ZDHHC14: variants seen among roughly 807,000 people sequenced by gnomAD.
ZDHHC14 encodes palmitoyltransferase ZDHHC14.
A neutral mutation model predicts 47.7 loss-of-function variants in ZDHHC14; 16 were observed. That is an observed-to-expected ratio of 0.34 (90% CI 0.23 to 0.51). The LOEUF (loss-of-function observed/expected upper bound fraction) is 0.51. Ranked by LOEUF, ZDHHC14 falls within the 20% of genes least tolerant of loss-of-function variation. The pLI, the probability that ZDHHC14 is intolerant of heterozygous loss-of-function variation, is 0.97. For missense variants in ZDHHC14, 515 were observed against 662.5 expected (o/e 0.78, Z 2.44); for synonymous variants, 293 against 278.9 (o/e 1.05, Z -0.50).
At chr6:157,597,816 G>A (rs933943349) in intron 3 of ZDHHC14, among the ~76,000 whole-genome samples, 11 of 152,236 alleles carry the variant, frequency 7.2e-5, no homozygotes, top group Non-Finnish European at 1.6e-4. Flanking sequence ...TCCAGGACAT[G>A]GCCTGGTCCC....
intron 2 of ZDHHC14, among the ~76,000 whole-genome samples, chr6:157,544,443 T>C (rs1397255278): frequency 6.6e-6 from 1 of 151,900 alleles, no homozygotes; most frequent in East Asian, 1.9e-4. Context: ...AGGTCAGGAG[T>C]TTGAGACCAG....
chr6:157,642,807 C>T (rs1178213269), intron 5 of ZDHHC14, among the ~76,000 whole-genome samples: 1 of 152,152 alleles, frequency 6.6e-6, no homozygotes, highest in Non-Finnish European at 1.5e-5. Context: ...AGCATATAGC[C>T]AGTGGGCCAG....
At chr6:157,448,267 A>C (rs1778727104) in intron 1 of ZDHHC14, among the ~76,000 whole-genome samples, 1 of 152,184 alleles carries the variant, frequency 6.6e-6, no homozygotes, top group African/African-American at 2.4e-5. Context: ...GGGTAATTTC[A>C]GAGAAAAACT....
At chr6:157,573,281 G>C (rs1314879316) in intron 2 of ZDHHC14, among the ~76,000 whole-genome samples, 7 of 152,118 alleles carry the variant, frequency 4.6e-5, no homozygotes, top group African/African-American at 1.4e-4. Context: ...CTTGCACCGG[G>C]TGCACCCTGT....
At chr6:157,634,082 A>G (rs1387539764) in intron 5 of ZDHHC14, among the ~76,000 whole-genome samples, 1 of 152,248 alleles carries the variant, frequency 6.6e-6, no homozygotes, top group Non-Finnish European at 1.5e-5. Context: ...CGATACATCT[A>G]AAAACAAATG....
chr6:157,550,800 C>T (rs928061460), intron 2 of ZDHHC14, among the ~76,000 whole-genome samples: 2 of 152,246 alleles, frequency 1.3e-5, no homozygotes, highest in African/African-American at 4.8e-5. Context: ...GTCTATCTTT[C>T]TCTTACTGCA....
intron 1 of ZDHHC14, among the ~76,000 whole-genome samples, chr6:157,457,047 G>T (rs970194261): frequency 7.1e-6 from 1 of 139,936 alleles, no homozygotes; most frequent in Non-Finnish European, 1.6e-5. Flanking sequence ...TGGTGCATGC[G>T]CCTATAGTTC....
chr6:157,534,037 T>G (rs1047648476), intron 1 of ZDHHC14, among the ~76,000 whole-genome samples: 2 of 152,178 alleles, frequency 1.3e-5, no homozygotes, highest in Non-Finnish European at 2.9e-5. Context: ...TACCTTAGAT[T>G]GGATGAAACA....
intron 1 of ZDHHC14, among the ~76,000 whole-genome samples, chr6:157,454,837 A>C (rs949688091): frequency 1.3e-5 from 2 of 152,140 alleles, no homozygotes; most frequent in African/African-American, 4.8e-5. Flanking sequence ...TTCTTTTGTT[A>C]ATGCTGTATT....
rs188369310 is a variant in ZDHHC14 at position 157,448,829 on chromosome 6, G to A, written c.245+66563G>A. 2.6e-4 allele frequency among the ~76,000 whole-genome samples: 40 copies of A among 152,336 alleles called. No individual in the cohort carries two copies. The East Asian group carries it at 7.1e-3, about 27-fold the overall frequency. On this transcript the variant is annotated intron_variant, in intron 1 of 8. Transcript: ENST00000359775. ...GACCTCAAGTGATCTGCCCGCCTCGGCCTTCCAAAGTGCTGGGATTATAGG... is the reference window on the plus strand; with the variant it reads ...GACCTCAAGTGATCTGCCCGCCTCGACCTTCCAAAGTGCTGGGATTATAGG...
intron 3 of ZDHHC14, among the ~76,000 whole-genome samples, chr6:157,603,938 G>T (rs1219320489): frequency 6.6e-6 from 1 of 152,204 alleles, no homozygotes. Flanking sequence ...GGAGAGAAGT[G>T]AATACATTTG....
At chr6:157,566,879 C>G (rs199518062) in intron 2 of ZDHHC14, among the ~76,000 whole-genome samples, 2 of 142,634 alleles carry the variant, frequency 1.4e-5, no homozygotes, top group East Asian at 4.1e-4. Context: ...GAGTCAGAGT[C>G]TTGCTCTGTC....
At chr6:157,477,107 C>T (rs1779506775) in intron 1 of ZDHHC14, among the ~76,000 whole-genome samples, 4 of 152,096 alleles carry the variant, frequency 2.6e-5, no homozygotes, top group South Asian at 2.1e-4. Flanking sequence ...TAAGGCTGGG[C>T]GCAGTGACTC....
intron 1 of ZDHHC14, 84 bp from the exon 2 acceptor site, chr6:157,542,501 A>G: frequency 1.4e-6 from 2 of 1,471,780 alleles, no homozygotes; most frequent in Non-Finnish European, 9.1e-7. Flanking sequence ...ATTTCTTAGA[A>G]GATAAAGACT....
At chr6:157,466,505 A>T (rs112740766) in intron 1 of ZDHHC14, among the ~76,000 whole-genome samples, 1 of 152,228 alleles carries the variant, frequency 6.6e-6, no homozygotes, top group Non-Finnish European at 1.5e-5. Context: ...AATTAGTTGT[A>T]AAAACCAAAA....
chr6:157,642,407 A>G (rs888923138), intron 5 of ZDHHC14, among the ~76,000 whole-genome samples: 7 of 152,166 alleles, frequency 4.6e-5, no homozygotes, highest in African/African-American at 1.2e-4. Flanking sequence ...CAGAGCCTGC[A>G]CTTCTGGGAT....
rs370080341 is a variant in ZDHHC14 at position 157,417,841 on chromosome 6, G to C, written c.245+35575G>C. 7.9e-5 allele frequency among the ~76,000 whole-genome samples: 12 copies of C among 151,882 alleles called. No individual in the cohort carries two copies. The East Asian group carries it at 1.4e-3, about 17-fold the overall frequency. ...TGGTTGCGGGTGCCTGTAGTCCCAG[G>C]TATTCAGGAGGCTGAGGCAGGAGAA... On this transcript the variant is annotated intron_variant, in intron 1 of 8. Transcript: ENST00000359775.
chr6:157,629,500 C>G (rs1001999489), intron 4 of ZDHHC14: 21 of 152,140 alleles, frequency 1.4e-4, no homozygotes, highest in African/African-American at 4.3e-4. Context: ...ACATCTTCCT[C>G]CCTTTCTCTT....
At chr6:157,653,682 A>C in intron 8 of ZDHHC14, 55 bp downstream of exon 8, 1 of 1,554,724 alleles carries the variant, frequency 6.4e-7, no homozygotes, top group East Asian at 2.3e-5. Context: ...TTGTGTGCTC[A>C]CTAACAGGCC....
Sources: allele counts gnomAD v4.1 joint callset (sites outside exome capture counted in the v4.1 genomes callset), GRCh38; gene constraint gnomAD v4.1.1; transcripts MANE v1.5; gene names NCBI Gene and HGNC (gene_info 2026-07-23, HGNC 2026-07-21).